Variants in EED observed in about 807,000 individuals in gnomAD.
EED encodes embryonic ectoderm development.
In EED, 9 loss-of-function variants were observed where a neutral mutation model predicts 61.0. That is an observed-to-expected ratio of 0.15 (90% CI 0.09 to 0.26). The LOEUF (loss-of-function observed/expected upper bound fraction) is 0.26. EED is among the 10% of genes least tolerant of loss of function. The pLI, the probability that EED is intolerant of heterozygous loss-of-function variation, is 1.00. For missense variants in EED, 315 were observed against 542.3 expected, an observed-to-expected ratio of 0.58 and a Z score of 4.16; for synonymous variants, 187 against 174.4, an observed-to-expected ratio of 1.07 and a Z score of -0.57.
downstream of EED, among the ~76,000 whole-genome samples, chr11:86,282,913 T>C (rs2138249222): frequency 6.6e-6 from 1 of 152,158 alleles, no homozygotes; most frequent in African/African-American, 2.4e-5. Context: ...ACAGATTGCT[T>C]GACCCCAGGA....
At position 86,271,397 on chromosome 11, in the gene EED, A is replaced by G. The variant is rs1052635679; in HGVS notation, c.966+2836A>G. Among the ~76,000 whole-genome samples the G allele has an allele frequency of 5.9e-5, 9 of 152,344 alleles. No individual in the cohort carries two copies. In the South Asian group the frequency reaches 8.3e-4, roughly 14 times the overall value. Reference sequence around the variant, plus strand: ...TTGAATCTTGTGACCTAGCTAGACTACATATTCAAGGTGTGTTTTGTGATT... The same window carrying G: ...TTGAATCTTGTGACCTAGCTAGACTGCATATTCAAGGTGTGTTTTGTGATT... On this transcript the variant is annotated intron_variant, in intron 9 of 11. Coordinates refer to ENST00000263360, the MANE Select transcript of EED (RefSeq NM_003797.5).
At position 86,256,517 on chromosome 11, in the gene EED, G is replaced by GT. The variant is rs1445447086; in HGVS notation, c.552+10dup. On this transcript the variant is annotated splice_donor_region_variant and intron_variant, in intron 5 of 11. Transcript: ENST00000263360. ...ATAACAATGCAGTGTATAAAGGTGG[G>GT]TTTTTCTGGTTAAATTGTAGATCTG... 1 of 1,546,426 alleles carries GT rather than the reference G, an allele frequency of 6.5e-7. No individual in the cohort carries two copies. The highest frequency in any genetic ancestry group is 1.4e-5 in the African/African-American group (1 of 72,782).
chr11:86,257,246 C>G (rs890183757), intron 5 of EED, among the ~76,000 whole-genome samples: 1 of 150,586 alleles, frequency 6.6e-6, no homozygotes, highest in Non-Finnish European at 1.5e-5. Context: ...CTGCATTGCT[C>G]TGACTGGTCT....
intron 8 of EED, among the ~76,000 whole-genome samples, chr11:86,267,366 AAG>A (rs1946005370): frequency 6.6e-6 from 1 of 152,192 alleles, no homozygotes; most frequent in African/African-American, 2.4e-5. Context: ...GGAAAAGGTA[AAG>A]AGAGGACATA....
chr11:86,246,119 T>A (rs1945386012), intron 1 of EED, among the ~76,000 whole-genome samples: 1 of 152,244 alleles, frequency 6.6e-6, no homozygotes, highest in South Asian at 2.1e-4. Context: ...CAGATTTTTT[T>A]AAGCTCTGAA....
Position 86,251,193 on chromosome 11 carries a change from G to C in EED, c.267+745G>C, listed in dbSNP as rs541259379. On this transcript the variant is annotated intron_variant, in intron 2 of 11. Transcript: ENST00000263360. Reference sequence around the variant, plus strand: ...GTAAAGTTTTGGGAAAGCATAAGAAGCTATGACTATGACATTTTTCTGTCT... The same window carrying C: ...GTAAAGTTTTGGGAAAGCATAAGAACCTATGACTATGACATTTTTCTGTCT... 1.6e-4 allele frequency among the ~76,000 whole-genome samples: 24 copies of C among 152,104 alleles called. 1 individual carries two copies. Among genetic ancestry groups the C allele is most frequent in the African/African-American group, 5.3e-4 (22 of 41,436 alleles).
At chr11:86,269,311 C>G (rs552293503) in intron 9 of EED, among the ~76,000 whole-genome samples, 1 of 151,974 alleles carries the variant, frequency 6.6e-6, no homozygotes, top group African/African-American at 2.4e-5. Context: ...CATTGTAAGT[C>G]AAGGCCATCT....
intron 9 of EED, chr11:86,270,257 C>T (rs1421534026): frequency 3.9e-6 from 2 of 514,334 alleles, no homozygotes; most frequent in East Asian, 3.3e-5. Context: ...TGATGTTGAA[C>T]ATCTTTTTCA....
Position 86,256,534 on chromosome 11 carries a change from G to A in EED, c.552+22G>A, listed in dbSNP as rs764435402. Reference sequence around the variant, plus strand: ...AAAGGTGGGTTTTTCTGGTTAAATTGTAGATCTGCTTCTTTTGAATCCACA... The same window carrying A: ...AAAGGTGGGTTTTTCTGGTTAAATTATAGATCTGCTTCTTTTGAATCCACA... On this transcript the variant is annotated intron_variant, in intron 5 of 11. Transcript: ENST00000263360. 4 of 1,537,698 alleles carry A rather than the reference G, an allele frequency of 2.6e-6. No individual in the cohort carries two copies. The South Asian group carries it at 3.7e-5, about 14-fold the overall frequency.
the EED span, chr11:86,284,388 C>G: frequency 6.6e-6 from 1 of 152,274 alleles, no homozygotes; most frequent in Non-Finnish European, 1.5e-5. Flanking sequence ...TGTGAGTTCT[C>G]CACATAGTGG....
At chr11:86,272,981 C>T (rs1946151251) in intron 9 of EED, among the ~76,000 whole-genome samples, 1 of 152,002 alleles carries the variant, frequency 6.6e-6, no homozygotes, top group African/African-American at 2.4e-5. Flanking sequence ...ATTTTTATTT[C>T]TCTATAGTAA....
At chr11:86,255,718 GA>G (rs529720129) in intron 4 of EED, among the ~76,000 whole-genome samples, 7 of 146,568 alleles carry the variant, frequency 4.8e-5, no homozygotes, top group African/African-American at 1.3e-4. Flanking sequence ...AGCCTAGGAA[GA>G]AAAAAAAAGT....
At chr11:86,267,801 G>A (rs1946019008) in intron 8 of EED, 1 of 121,716 alleles carries the variant, frequency 8.2e-6, no homozygotes, top group African/African-American at 3.1e-5. Context: ...TTTTAGTAGA[G>A]ATGGGGTTTC....
At chr11:86,266,580 T>G (rs1945986501) in intron 8 of EED, among the ~76,000 whole-genome samples, 1 of 152,098 alleles carries the variant, frequency 6.6e-6, no homozygotes, top group African/African-American at 2.4e-5. Context: ...TAATGTTAAC[T>G]TTTTTTAAAT....
chr11:86,250,387 G>T lies in EED; in HGVS notation c.206G>T (p.Gly69Val). The stretch of plus-strand genomic sequence containing the variant: ...AATGCACCTGGAAGGAAAAGTTGGG[G>T]AAAGGGAAAATGGAAGTCAAAGAAA... ...TPNAPGRKSW[G>V]KGKWKSKKCK... Residue 69 changes from glycine to valine, a missense_variant, in exon 2 of 12, where the codon GGA (glycine) becomes GTA (valine). By Grantham distance (109) the Gly-to-Val change is moderately radical. This residue lies in a region of EED where 205 missense variants were observed against 455.4 expected (regional missense o/e 0.45). Transcript: ENST00000263360. 2.5e-6 allele frequency: 4 copies of T among 1,608,618 alleles called. No individual in the cohort carries two copies. The highest frequency in any genetic ancestry group is 3.4e-6 in the Non-Finnish European group (4 of 1,177,734).
At chr11:86,258,554 G>GTTTTTTTT (rs768325009) in intron 6 of EED, among the ~76,000 whole-genome samples, 12 of 143,662 alleles carry the variant, frequency 8.4e-5, no homozygotes, top group Admixed American at 4.9e-4. Context: ...TTTGTTTTTT[G>GTTTTTTTT]GTTTTTTTTT....
intron 9 of EED, chr11:86,270,147 G>A (rs766042258): frequency 5.7e-6 from 4 of 700,574 alleles, no homozygotes; most frequent in South Asian, 3.0e-5. Flanking sequence ...CCGAATCTTC[G>A]CCAGCATTTG....
At position 86,244,993 on chromosome 11, in the gene EED, G is replaced by A. The variant is rs1291470644; in HGVS notation, c.-237G>A. ...AAGGGCAAGACGGGAGTTGGGGAAG[G>A]GAAGGAGCCAGGAAGCCGCGCGGGA... On this transcript the variant is annotated 5_prime_UTR_variant, in exon 1 of 12. Transcript: ENST00000263360. 4.5e-6 allele frequency: 2 copies of A among 446,768 alleles called. No homozygotes were observed. Among genetic ancestry groups the A allele is most frequent in the Admixed American group, 4.6e-5 (1 of 21,738 alleles). The allele number at this position is 446,768 out of a possible 1,614,324, so 27.7% of individuals were successfully genotyped here.
rs993933999 is a variant in EED at position 86,267,347 on chromosome 11, A to G, written c.861-1109A>G. On this transcript the variant is annotated intron_variant, in intron 8 of 11. Transcript: ENST00000263360. ...GCTCCAATCCAAAGTGCTTTTTTACATATCTGAGGGAAAAGGTAAAGAGAG... is the reference window on the plus strand; with the variant it reads ...GCTCCAATCCAAAGTGCTTTTTTACGTATCTGAGGGAAAAGGTAAAGAGAG... Among the ~76,000 whole-genome samples the G allele has an allele frequency of 3.3e-5, 5 of 152,320 alleles. No homozygotes were observed. In the South Asian group the frequency reaches 6.2e-4, roughly 19 times the overall value.
Sources: allele counts gnomAD v4.1 joint callset (sites outside exome capture counted in the v4.1 genomes callset), GRCh38; gene constraint gnomAD v4.1.1; regional missense constraint gnomAD v4.1.1; transcripts MANE v1.5; gene names NCBI Gene and HGNC (gene_info 2026-07-23, HGNC 2026-07-21).